Variants in CHD5 observed in about 807,000 individuals in gnomAD.
CHD5 encodes ATP-dependent chromatin remodeler CHD5.
Under a neutral mutation model 230.3 loss-of-function variants are expected in CHD5, and 69 were observed. The observed-to-expected ratio is 0.30, with a 90% CI of 0.25 to 0.37. The LOEUF is 0.37. Ranked by LOEUF, CHD5 falls within the 10% of genes least tolerant of loss-of-function variation. The pLI, the probability that CHD5 is intolerant of heterozygous loss-of-function variation, is 1.00. For missense variants in CHD5, 1,827 were observed against 2,622.8 expected, an observed-to-expected ratio of 0.70 and a Z score of 6.63; for synonymous variants, 1,064 against 1,065.9, an observed-to-expected ratio of 1.00 and a Z score of 0.03.
chr1:6,118,243 G>C (rs1666407824), intron 33 of CHD5, among the ~76,000 whole-genome samples: 1 of 151,992 alleles, frequency 6.6e-6, no homozygotes, highest in African/African-American at 2.4e-5. Context: ...GGGCGTGTTA[G>C]CATGTGCACC....
In CHD5 at chr1:6,175,045, GGGTGGATGAAT is replaced by G. The variant is rs1298526965; in HGVS notation, c.79+4889_79+4899del. ...AATGGATGGATGATGGATGGATGGT[GGGTGGATGAAT>G]GGTGGATGAATGGATGAGTGGATGG... is the stretch of plus-strand genomic sequence containing the variant. On this transcript the variant is annotated intron_variant, in intron 1 of 41. Coordinates refer to ENST00000262450, the MANE Select transcript of CHD5 (RefSeq NM_015557.3). Among the ~76,000 whole-genome samples the G allele has an allele frequency of 2.3e-4, 35 of 151,340 alleles. 1 individual carries two copies. The highest frequency in any genetic ancestry group is 6.8e-4 in the African/African-American group (28 of 41,194).
At chr1:6,171,108 C>A (rs370420561) in intron 1 of CHD5, among the ~76,000 whole-genome samples, 3 of 152,258 alleles carry the variant, frequency 2.0e-5, no homozygotes, top group African/African-American at 7.2e-5. Context: ...AAACCCAGCC[C>A]AGCACATGGT....
Position 6,154,908 on chromosome 1 carries a change from G to A in CHD5, c.507-10C>T, listed in dbSNP as rs376065466. The stretch of plus-strand genomic sequence containing the variant: ...CTTGGCAATGAGTGGCCTGTAGGGG[G>A]AGAGGCAGGAGGGTGAGGGCAAGGC... On this transcript the variant is annotated splice_polypyrimidine_tract_variant and intron_variant, in intron 4 of 41. Transcript: ENST00000262450. The surrounding 1 kb of genome is among the most constrained non-coding windows in gnomAD (Gnocchi z 7.0). The A allele has an allele frequency of 6.2e-6, 10 of 1,611,040 alleles. No homozygotes were observed. In the African/African-American group the frequency reaches 9.3e-5, roughly 15 times the overall value.
chr1:6,119,864 A>AT (rs57522479), intron 33 of CHD5, among the ~76,000 whole-genome samples: 1,859 of 137,402 alleles, frequency 0.014, 22 homozygotes, highest in Middle Eastern at 0.019. Flanking sequence ...ATATATATAT[A>AT]TTTTTTTTTT....
At chr1:6,179,877 C>CG (rs70981314) in intron 1 of CHD5, 68 bp downstream of exon 1, 833,279 of 833,856 alleles carry the variant, frequency 1, 416,353 homozygotes, top group Admixed American at 1. Flanking sequence ...GCCCGCGCTC[C>CG]GCCCTGGGCC....
rs538934672 is a variant in CHD5, at chr1:6,146,158, G to A, written c.1802+54C>T. 6.4e-7 allele frequency: 1 copy of A among 1,569,972 alleles called. No individual in the cohort carries two copies. The highest frequency in any genetic ancestry group is 2.2e-5 in the East Asian group (1 of 44,666). ...TGCACCCATTTTACAGGGCAAAGAA[G>A]CTGACGTGGCCCGGCCCCAGCGATG... On this transcript the variant is annotated intron_variant, in intron 11 of 41. Transcript: ENST00000262450. The surrounding 1 kb of genome is among the most constrained non-coding windows in gnomAD (Gnocchi z 5.1).
At chr1:6,106,330 G>A in intron 40 of CHD5, 43 bp from the exon 41 acceptor site, 1 of 1,612,580 alleles carries the variant, frequency 6.2e-7, no homozygotes, top group African/African-American at 1.3e-5. Context: ...GACGTTGGCA[G>A]CAGCAGGCAG....
At position 6,128,909 on chromosome 1, in the gene CHD5, G is replaced by A; in HGVS notation, c.3548C>T (p.Ser1183Phe). ...GTCGTCCAGCTCCTGCTTGGTCATG[G>A]ACCCCGACTTGGAGCCGAGGCCGGG... ...VRPGLGSKSG[S>F]MTKQELDDIL... Residue 1183 changes from serine to phenylalanine, a missense_variant, in exon 23 of 42, where the codon TCC becomes TTC. Physicochemically the swap from Ser to Phe is radical, Grantham distance 155. This residue lies in a region of CHD5 where 81 missense variants were observed against 245.4 expected (regional missense o/e 0.33). Coordinates refer to ENST00000262450, the MANE Select transcript of CHD5 (RefSeq NM_015557.3). This position sits in a 1 kb window ranked among gnomAD's most constrained non-coding sequence, Gnocchi z 7.8. 6.2e-7 allele frequency: 1 copy of A among 1,613,368 alleles called. No individual in the cohort carries two copies. Among genetic ancestry groups the A allele is most frequent in the Admixed American group, 1.7e-5 (1 of 60,022 alleles).
intron 33 of CHD5, among the ~76,000 whole-genome samples, chr1:6,119,731 A>G (rs1276601166): frequency 1.3e-5 from 2 of 151,304 alleles, no homozygotes; most frequent in Non-Finnish European, 2.9e-5. Context: ...ATATACGTAC[A>G]TATATAGGTA....
chr1:6,119,580 TGA>T (rs1162084281), intron 33 of CHD5, among the ~76,000 whole-genome samples: 2 of 152,178 alleles, frequency 1.3e-5, no homozygotes, highest in African/African-American at 4.8e-5. Context: ...ATAATCATAA[TGA>T]GAGATTTTAA....
In CHD5 at chr1:6,121,338, G is replaced by T. The variant is rs539003388; in HGVS notation, c.4780-101C>A. On this transcript the variant is annotated intron_variant, in intron 32 of 41. Transcript: ENST00000262450. This position sits in a 1 kb window ranked among gnomAD's most constrained non-coding sequence, Gnocchi z 4.5. ...CTGGGAACCCAGTCTCCTGGCTCCC[G>T]TCGCTTGCTCCTAGCCTGCTCCCCG... 6.6e-7 allele frequency: 1 copy of T among 1,525,582 alleles called. No individual in the cohort carries two copies. The highest frequency in any genetic ancestry group is 8.9e-7 in the Non-Finnish European group (1 of 1,123,138). 94.5% of individuals were successfully genotyped at this position (1,525,582 alleles called of 1,614,324 possible). A position where few individuals can be genotyped will look rare whatever the true frequency, so the allele number is the denominator to read the frequency against.
At chr1:6,115,433 G>A (rs1666364981) in intron 33 of CHD5, among the ~76,000 whole-genome samples, 2 of 152,304 alleles carry the variant, frequency 1.3e-5, no homozygotes, top group Non-Finnish European at 1.5e-5. Context: ...CGGCACGGGT[G>A]ACCTTAAAAC....
At chr1:6,110,577 C>A (rs367950965) in intron 36 of CHD5, 51 bp from the exon 37 acceptor site, 1 of 1,169,416 alleles carries the variant, frequency 8.6e-7, no homozygotes, top group Admixed American at 2.2e-5. Context: ...GTGGTGGGGC[C>A]GTAGGGGGAG....
chr1:6,170,011 G>A (rs1667311885), intron 1 of CHD5, among the ~76,000 whole-genome samples: 1 of 152,140 alleles, frequency 6.6e-6, no homozygotes, highest in South Asian at 2.1e-4. Flanking sequence ...GCCACCAGGA[G>A]GCTTTCACCC....
Position 6,128,212 on chromosome 1 carries a change from T to C in CHD5, c.3737A>G (p.Asn1246Ser). 6.2e-7 allele frequency: 1 copy of C among 1,614,024 alleles called. No homozygotes were observed. Among genetic ancestry groups the C allele is most frequent in the Non-Finnish European group, 8.5e-7 (1 of 1,179,970 alleles). ...CACACTGCTGTCCTCCACGTCCTTG[T>C]TGTCACCTGGGGAGCAGGCAAATGC... is the stretch of plus-strand genomic sequence containing the variant. ...KKHGSTPPGDNKDVEDSSVIH... is the reference protein window; with the variant it reads ...KKHGSTPPGDSKDVEDSSVIH... The change falls in exon 25 of 42, where the codon AAC becomes AGC. Residue 1246 changes from asparagine to serine, a missense_variant. Around this residue, in one of 14 missense-constraint regions of CHD5, gnomAD observed 137 missense variants for 272.7 expected, o/e 0.50. Coordinates refer to ENST00000262450, the MANE Select transcript of CHD5 (RefSeq NM_015557.3). The surrounding 1 kb of genome is among the most constrained non-coding windows in gnomAD (Gnocchi z 7.8).
At chr1:6,117,063 A>G (rs1421859880) in intron 33 of CHD5, among the ~76,000 whole-genome samples, 1 of 152,196 alleles carries the variant, frequency 6.6e-6, no homozygotes, top group Non-Finnish European at 1.5e-5. Context: ...ACAGAATGAA[A>G]TTGACTATAA....
chr1:6,150,000 AATGG>A (rs58706054), intron 7 of CHD5, among the ~76,000 whole-genome samples: 11,141 of 144,622 alleles, frequency 0.077, 432 homozygotes, highest in South Asian at 0.13. Context: ...TGGATGGACA[AATGG>A]ATGGATGGAT....
chr1:6,134,370 G>T lies in CHD5; in HGVS notation c.3013-111C>A. On this transcript the variant is annotated intron_variant, in intron 19 of 41. Transcript: ENST00000262450. This position sits in a 1 kb window ranked among gnomAD's most constrained non-coding sequence, Gnocchi z 6.3. ...GTGCTGAGCAATGGGGTGATGGCCT[G>T]TCTGCCCACTGAACATGAGACCCAC... The T allele has an allele frequency of 7.7e-7, 1 of 1,305,320 alleles. No homozygotes were observed. The highest frequency in any genetic ancestry group is 1.1e-6 in the Non-Finnish European group (1 of 937,070). 80.9% of individuals were successfully genotyped at this position (1,305,320 alleles called of 1,614,324 possible).
In CHD5 at chr1:6,144,103, A is replaced by G. The variant is rs1332509616; in HGVS notation, c.1855T>C (p.Tyr619His). ...HYLIKWKDLP[Y>H]DQCTWEIDDI... ...TCGATCTCCCAGGTGCACTGGTCGT[A>G]GGGCAGGTCTTTCCACTTGATCAGG... The change falls in exon 12 of 42, where the codon TAC becomes CAC. Residue 619 changes from tyrosine (Y) to histidine (H), a missense_variant. Around this residue, in one of 14 missense-constraint regions of CHD5, gnomAD observed 657 missense variants for 816.4 expected, o/e 0.80. Transcript: ENST00000262450. 1 of 1,614,060 alleles carries G rather than the reference A, an allele frequency of 6.2e-7. No individual in the cohort carries two copies. Among genetic ancestry groups the G allele is most frequent in the Non-Finnish European group, 8.5e-7 (1 of 1,180,028 alleles).
Sources: gnomAD v4.1 joint callset for allele counts (sites outside exome capture counted in the v4.1 genomes callset) on GRCh38, gnomAD v4.1.1 for gene constraint, gnomAD v4.1.1 regional missense constraint, Gnocchi (gnomAD v3.1) non-coding constraint, MANE v1.5 for transcripts, NCBI Gene and HGNC (gene_info 2026-07-23, HGNC 2026-07-21) for gene names.